CABP4: variants seen among roughly 807,000 people sequenced by gnomAD.
CABP4 encodes the protein calcium-binding protein 4.
CABP4 carries 30 observed loss-of-function variants against 30.7 expected under a neutral mutation model. The ratio of observed to expected loss-of-function variants is 0.98; its 90% CI spans 0.73 to 1.33. The LOEUF is 1.33. CABP4 is among the 40% of genes most tolerant of loss of function. The pLI is 0.00. For synonymous variants in CABP4, 161 were observed against 159.2 expected (o/e 1.01, Z -0.08); for missense variants, 424 against 395.5 (o/e 1.07, Z -0.61).
In CABP4 at chr11:67,460,493, AAAAAT is replaced by A. The variant is rs1298434877; in HGVS notation, c.*1838_*1842del. 6.8e-6 allele frequency among the ~76,000 whole-genome samples: 1 copy of A among 147,360 alleles called. No individual in the cohort carries two copies. The highest frequency in any genetic ancestry group is 1.5e-5 in the Non-Finnish European group (1 of 66,692). ...AAAAACAAACCATGGCTTCTGTTAA[AAAAAT>A]AAAGTATATTTTATATATACACACA... On this transcript the variant is annotated 3_prime_UTR_variant, in exon 6 of 6. Coordinates refer to ENST00000325656, the MANE Select transcript of CABP4 (RefSeq NM_145200.5).
chr11:67,452,630 T>C (rs747045276), upstream of CABP4: 1 of 1,613,614 alleles, frequency 6.2e-7, no homozygotes. Context: ...GAAGACCGTG[T>C]CCCAGCCACC....
upstream of CABP4, chr11:67,452,772 T>G (rs201087097): frequency 7.0e-7 from 1 of 1,430,024 alleles, no homozygotes; most frequent in African/African-American, 1.4e-5. Context: ...GCCTGGTGAA[T>G]CAATGATGGT....
chr11:67,454,383 T>C (rs1790761), upstream of CABP4, among the ~76,000 whole-genome samples: 79,475 of 152,000 alleles, frequency 0.52, 23,285 homozygotes, highest in African/African-American at 0.81. Context: ...CTCCGTACCC[T>C]CAGGGTTCCT....
Position 67,460,514 on chromosome 11 carries a change from T to TACACACACACACAC in CABP4, c.*1856_*1857insCACACACACACACA, listed in dbSNP as rs533020503. Among the ~76,000 whole-genome samples, 46 of 118,724 alleles carry TACACACACACACAC rather than the reference T, an allele frequency of 3.9e-4. No homozygotes were observed. The highest frequency in any genetic ancestry group is 2.1e-3 in the African/African-American group (46 of 22,138). 77.9% of individuals were successfully genotyped at this position (118,724 alleles called of 152,430 possible). A position where few individuals can be genotyped will look rare whatever the true frequency, so the allele number is the denominator to read the frequency against. On this transcript the variant is annotated 3_prime_UTR_variant, in exon 6 of 6. Transcript: ENST00000325656. ...TTAAAAAAATAAAGTATATTTTATA[T>TACACACACACACAC]ATACACACACACACACACACACACA...
At chr11:67,455,931 C>T (rs769202550) in intron 1 of CABP4, 142 bp downstream of exon 1, 32 of 1,309,526 alleles carry the variant, frequency 2.4e-5, no homozygotes, top group South Asian at 5.9e-5. Context: ...AGGGTTGCTG[C>T]GGTTTGGGGA....
Position 67,456,217 on chromosome 11 carries a change from C to A in CABP4, c.396C>A (p.Asp132Glu). 6.2e-7 allele frequency: 1 copy of A among 1,613,504 alleles called. No individual in the cohort carries two copies. Among genetic ancestry groups the A allele is most frequent in the African/African-American group, 1.3e-5 (1 of 75,018 alleles). Residue 132 changes from aspartate (D) to glutamate (E), a missense_variant and splice_region_variant, in exon 2 of 6, where the codon GAC becomes GAA. Coordinates refer to ENST00000325656, the MANE Select transcript of CABP4 (RefSeq NM_145200.5). Reference sequence around the variant, plus strand: ...GCGAACTGGGCCCCGAGGAGCTAGACGGTGAGTGGCTCTTGCTGCTGGCAG... The same window carrying A: ...GCGAACTGGGCCCCGAGGAGCTAGAAGGTGAGTGGCTCTTGCTGCTGGCAG... Reference protein sequence around the residue: ...KDRELGPEELDELQAAFEEFD... With the variant: ...KDRELGPEELEELQAAFEEFD...
chr11:67,453,754 C>G (rs964408184), upstream of CABP4: 2 of 152,252 alleles, frequency 1.3e-5, no homozygotes, highest in Non-Finnish European at 2.9e-5. Context: ...CCCCTACCCC[C>G]CAGGGTTCCA....
At position 67,455,722 on chromosome 11, in the gene CABP4, G is replaced by A. The variant is rs139706575; in HGVS notation, c.299G>A (p.Arg100His). The change falls in exon 1 of 6, where the codon CGT becomes CAT. Residue 100 changes from arginine to histidine, a missense_variant. Coordinates refer to ENST00000325656, the MANE Select transcript of CABP4 (RefSeq NM_145200.5). ...TCTTCTCGCCAGTCCCACCGACATC[G>A]TCCTGACTCCCTGCACGACGCTGCT... ...PASSRQSHRH[R>H]PDSLHDAAQR... The A allele has an allele frequency of 2.1e-4, 342 of 1,607,974 alleles. 2 individuals carry two copies. The African/African-American group carries it at 2.8e-3, about 13-fold the overall frequency.
At chr11:67,457,322 C>T (rs964905752) in intron 3 of CABP4, among the ~76,000 whole-genome samples, 94 of 152,186 alleles carry the variant, frequency 6.2e-4, no homozygotes, top group African/African-American at 1.3e-3. Context: ...AGATTTGAAC[C>T]GGGCACTATC....
rs1565165111 is a variant in CABP4, at chr11:67,460,147, G to C, written c.*1488G>C. ...ATGCAGTAACAGGATAGTATGAAGA[G>C]AGAACCGGAAGATTTAAAAAGTAAC... On this transcript the variant is annotated 3_prime_UTR_variant, in exon 6 of 6. Transcript: ENST00000325656. 6.6e-6 allele frequency: 1 copy of C among 152,132 alleles called. No individual in the cohort carries two copies. Among genetic ancestry groups the C allele is most frequent in the Non-Finnish European group, 1.5e-5 (1 of 68,050 alleles). The allele number at this position is 152,132 out of a possible 1,614,324, so 9.4% of individuals were successfully genotyped here.
upstream of CABP4, chr11:67,452,626 C>T (rs754953167): frequency 4.0e-5 from 64 of 1,613,588 alleles, no homozygotes; most frequent in African/African-American, 6.7e-5. Context: ...CCAGGAAGAC[C>T]GTGTCCCAGC....
chr11:67,452,778 A>T, upstream of CABP4: 1 of 1,371,244 alleles, frequency 7.3e-7, no homozygotes, highest in Non-Finnish European at 9.9e-7. Context: ...TGAATCAATG[A>T]TGGTGTGAAT....
At chr11:67,455,041 A>G (rs1864711644), upstream of CABP4, among the ~76,000 whole-genome samples, 1 of 152,212 alleles carries the variant, frequency 6.6e-6, no homozygotes, top group Admixed American at 6.5e-5. Context: ...CATGTCACAC[A>G]TGAGCTGAGT....
rs780747749 is a variant in CABP4 at position 67,456,462 on chromosome 11, C to T, written c.541+20C>T. On this transcript the variant is annotated intron_variant, in intron 3 of 5. Coordinates refer to ENST00000325656, the MANE Select transcript of CABP4 (RefSeq NM_145200.5). ...TGCGCAGTCAGTCAGGGAGCCCGCCCGCCCGGGCAGCCTGCGTAGTTCAGG... is the reference window on the plus strand; with the variant it reads ...TGCGCAGTCAGTCAGGGAGCCCGCCTGCCCGGGCAGCCTGCGTAGTTCAGG... The T allele has an allele frequency of 3.8e-5, 61 of 1,606,044 alleles. No individual in the cohort carries two copies. The highest frequency in any genetic ancestry group is 1.0e-4 in the Admixed American group (6 of 59,934).
upstream of CABP4, among the ~76,000 whole-genome samples, chr11:67,454,918 G>A (rs1415647569): frequency 6.6e-6 from 1 of 152,116 alleles, no homozygotes; most frequent in East Asian, 1.9e-4. Context: ...ACCCATGGGG[G>A]GGCCCCAGTA....
At chr11:67,457,046 A>T (rs1176229772) in intron 3 of CABP4, among the ~76,000 whole-genome samples, 1 of 152,172 alleles carries the variant, frequency 6.6e-6, no homozygotes, top group Non-Finnish European at 1.5e-5. Context: ...TGTGATTTAC[A>T]ATTGAGCTGG....
upstream of CABP4, among the ~76,000 whole-genome samples, chr11:67,454,520 C>G (rs1333469994): frequency 7.3e-6 from 1 of 137,788 alleles, no homozygotes; most frequent in Admixed American, 6.8e-5. Context: ...GTGGAAGGAG[C>G]AGGAGCAGGG....
At chr11:67,452,473 C>T (rs141536246), upstream of CABP4, 49 of 1,611,706 alleles carry the variant, frequency 3.0e-5, no homozygotes, top group Non-Finnish European at 3.7e-5. Context: ...TCTGGAAGGC[C>T]GCTGCTGCCA....
intron 3 of CABP4, among the ~76,000 whole-genome samples, chr11:67,456,851 C>A (rs1864828434): frequency 6.6e-6 from 1 of 152,230 alleles, no homozygotes; most frequent in Admixed American, 6.5e-5. Flanking sequence ...CAGCCCTGTG[C>A]CCTGGTGGCA....
Sources: allele counts gnomAD v4.1 joint callset (sites outside exome capture counted in the v4.1 genomes callset), GRCh38; gene constraint gnomAD v4.1.1; transcripts MANE v1.5; gene names NCBI Gene and HGNC (gene_info 2026-07-23, HGNC 2026-07-21).